CDH4: variants seen among roughly 807,000 people sequenced by gnomAD.
CDH4 encodes the protein cadherin-4.
Under a neutral mutation model 86.0 loss-of-function variants are expected in CDH4, and 33 were observed. The observed-to-expected ratio is 0.38, with a 90% CI of 0.29 to 0.51. The LOEUF is 0.51. Among genes scored for constraint, CDH4 ranks in the 20% least tolerant of loss-of-function variants. CDH4 has a pLI of 0.86. For missense variants in CDH4, 1,114 were observed against 1,307.4 expected (o/e 0.85, Z 2.28); for synonymous variants, 555 against 549.4 (o/e 1.01, Z -0.14).
At chr20:61,547,198 C>CTTTTTT (rs779375514) in intron 2 of CDH4, among the ~76,000 whole-genome samples, 1 of 93,608 alleles carries the variant, frequency 1.1e-5, no homozygotes. Flanking sequence ...CCCCAGAGCT[C>CTTTTTT]TTTTTTTTTT....
intron 2 of CDH4, among the ~76,000 whole-genome samples, chr20:61,558,043 C>T (rs764941870): frequency 6.6e-6 from 1 of 152,072 alleles, no homozygotes; most frequent in Non-Finnish European, 1.5e-5. Flanking sequence ...TTTTCAAGCT[C>T]GAGTTTTGGT....
chr20:61,391,053 C>T (rs1350976689), intron 2 of CDH4, among the ~76,000 whole-genome samples: 7 of 152,148 alleles, frequency 4.6e-5, no homozygotes, highest in African/African-American at 1.4e-4. Flanking sequence ...CTGACCACAG[C>T]ACACTGCTCC....
intron 2 of CDH4, among the ~76,000 whole-genome samples, chr20:61,323,805 GT>G (rs2084522714): frequency 6.6e-6 from 1 of 152,156 alleles, no homozygotes; most frequent in Non-Finnish European, 1.5e-5. Flanking sequence ...AAATGGGTTT[GT>G]TTTAGCTCTT....
intron 5 of CDH4, among the ~76,000 whole-genome samples, chr20:61,848,244 G>A (rs915948864): frequency 6.6e-6 from 1 of 152,234 alleles, no homozygotes; most frequent in African/African-American, 2.4e-5. Flanking sequence ...GGCCATGAAA[G>A]AAGATGAGGG....
intron 2 of CDH4, among the ~76,000 whole-genome samples, chr20:61,288,844 A>G (rs2084306638): frequency 1.3e-5 from 2 of 152,222 alleles, no homozygotes. Flanking sequence ...TGGGAGGTTC[A>G]AGGGTATTCC....
intron 3 of CDH4, among the ~76,000 whole-genome samples, chr20:61,771,769 C>T (rs989329559): frequency 6.6e-6 from 1 of 152,158 alleles, no homozygotes; most frequent in Non-Finnish European, 1.5e-5. Context: ...TATTCCAAGA[C>T]ATGAACACAG....
chr20:61,719,658 C>A (rs1219081060), intron 2 of CDH4: 1 of 155,854 alleles, frequency 6.4e-6, no homozygotes, highest in African/African-American at 2.4e-5. Flanking sequence ...CAATGTCCCC[C>A]CAGAAGAGAA....
At chr20:61,335,433 C>T (rs1389291679) in intron 2 of CDH4, among the ~76,000 whole-genome samples, 5 of 152,174 alleles carry the variant, frequency 3.3e-5, no homozygotes, top group Non-Finnish European at 7.3e-5. Flanking sequence ...ATGAATAAGT[C>T]GCATCTGGCT....
At chr20:61,686,659 T>C (rs1426626072) in intron 2 of CDH4, among the ~76,000 whole-genome samples, 6 of 141,868 alleles carry the variant, frequency 4.2e-5, no homozygotes, top group African/African-American at 1.6e-4. Flanking sequence ...GTGTGTGCAT[T>C]CGCGTGTATG....
At chr20:61,713,553 C>A (rs1301786142) in intron 2 of CDH4, among the ~76,000 whole-genome samples, 1 of 152,248 alleles carries the variant, frequency 6.6e-6, no homozygotes, top group African/African-American at 2.4e-5. Context: ...GTCTCCTCTG[C>A]TTATGTAGCA....
intron 4 of CDH4, among the ~76,000 whole-genome samples, chr20:61,830,589 C>T (rs1180089626): frequency 1.3e-5 from 2 of 152,220 alleles, no homozygotes; most frequent in Non-Finnish European, 2.9e-5. Context: ...CCTCCCAGGC[C>T]TCCCCCATGC....
intron 2 of CDH4, among the ~76,000 whole-genome samples, chr20:61,307,246 C>A (rs1480502304): frequency 2.0e-5 from 3 of 152,152 alleles, no homozygotes; most frequent in Non-Finnish European, 2.9e-5. Context: ...ACACGCCTTG[C>A]ATGTATCATT....
intron 2 of CDH4, among the ~76,000 whole-genome samples, chr20:61,690,397 T>C (rs1004946228): frequency 3.9e-5 from 6 of 152,162 alleles, no homozygotes; most frequent in Non-Finnish European, 7.4e-5. Context: ...AAAGACCAAC[T>C]CTGAGTCCAT....
chr20:61,672,586 A>T (rs1465507085), intron 2 of CDH4, among the ~76,000 whole-genome samples: 1 of 152,126 alleles, frequency 6.6e-6, no homozygotes, highest in Admixed American at 6.5e-5. Flanking sequence ...GATTCCAATG[A>T]GTGAAACTGC....
At chr20:61,895,818 T>C (rs1432720502) in intron 8 of CDH4, among the ~76,000 whole-genome samples, 1 of 152,198 alleles carries the variant, frequency 6.6e-6, no homozygotes, top group African/African-American at 2.4e-5. Flanking sequence ...GGTGATTCCC[T>C]GGGTCCATGG....
chr20:61,817,787 G>T (rs904772935), intron 4 of CDH4, among the ~76,000 whole-genome samples: 4 of 152,218 alleles, frequency 2.6e-5, no homozygotes, highest in African/African-American at 9.6e-5. Flanking sequence ...TGAGAGCAAG[G>T]GCTTGAATTA....
At chr20:61,329,091 T>C (rs559763339) in intron 2 of CDH4, among the ~76,000 whole-genome samples, 1 of 152,366 alleles carries the variant, frequency 6.6e-6, no homozygotes, top group South Asian at 2.1e-4. Context: ...TATTGAACGC[T>C]GCACTGAAAG....
At chr20:61,873,587 C>A in intron 6 of CDH4, 141 bp from the exon 7 acceptor site, 1 of 833,304 alleles carries the variant, frequency 1.2e-6, no homozygotes, top group East Asian at 2.5e-5. Flanking sequence ...AACACCACCT[C>A]TGAACACGCC....
chr20:61,743,675 C>CT lies in CDH4; in HGVS notation c.283dup (p.Ser95PhefsTer106). On this transcript the variant is annotated frameshift_variant, in exon 3 of 16. Coordinates refer to ENST00000614565, the MANE Select transcript of CDH4 (RefSeq NM_001794.5). LOFTEE classifies it high-confidence loss of function. ...TCGCCACCCGGGAGCTGCAGGTCCC[C>CT]TCCGAGCAGGTGGCGTTCACGGTGA... 6.2e-7 allele frequency: 1 copy of CT among 1,605,196 alleles called. No individual in the cohort carries two copies. Among genetic ancestry groups the CT allele is most frequent in the Non-Finnish European group, 8.5e-7 (1 of 1,176,100 alleles).
Sources: allele counts gnomAD v4.1 joint callset (sites outside exome capture counted in the v4.1 genomes callset), GRCh38; gene constraint gnomAD v4.1.1; transcripts MANE v1.5; gene names NCBI Gene and HGNC (gene_info 2026-07-23, HGNC 2026-07-21).